COL4A2: variants seen among roughly 807,000 people sequenced by gnomAD.
COL4A2 encodes collagen alpha-2(IV) chain.
COL4A2 carries 99 observed loss-of-function variants against 200.2 expected under a neutral mutation model. The ratio of observed to expected loss-of-function variants is 0.49; its 90% confidence interval spans 0.42 to 0.58. The LOEUF (loss-of-function observed/expected upper bound fraction) is 0.58, where lower values mean the gene tolerates loss of function less well. COL4A2 is among the 20% of genes least tolerant of loss of function. COL4A2 has a pLI of 0.00. For missense variants in COL4A2, 1,950 were observed against 2,314.1 expected (o/e 0.84, Z 3.23); for synonymous variants, 897 against 900.6 (o/e 1.00, Z 0.07).
chr13:110,424,852 G>T lies in COL4A2; in HGVS notation c.299G>T (p.Gly100Val), dbSNP rs1476249623. 6.2e-7 allele frequency: 1 copy of T among 1,614,124 alleles called. No homozygotes were observed. The highest frequency in any genetic ancestry group is 8.5e-7 in the Non-Finnish European group (1 of 1,179,998). ...GAAAGGGGAGCCCCCGGAGTAACGG[G>T]ACCCAAGGGCGACGTGGTACGCACC... Reference protein sequence around the residue: ...KGERGAPGVTGPKGDVGARGV... With the variant: ...KGERGAPGVTVPKGDVGARGV... The change falls in exon 5 of 48, where the codon GGA becomes GTA. Residue 100 changes from glycine to valine, a missense_variant. By Grantham distance (109) the Gly-to-Val change is moderately radical (BLOSUM62 -3). Coordinates refer to ENST00000360467, the MANE Select transcript of COL4A2 (RefSeq NM_001846.4).
At chr13:110,464,394 G>A (rs1413357836) in intron 24 of COL4A2, among the ~76,000 whole-genome samples, 2 of 152,154 alleles carry the variant, frequency 1.3e-5, no homozygotes, top group Non-Finnish European at 2.9e-5. Context: ...AACCAAGAAT[G>A]TCAACTTCTG....
In COL4A2 at chr13:110,315,402, G is replaced by A. The variant is rs527414813; in HGVS notation, c.99+7279G>A. Among the ~76,000 whole-genome samples, 12 of 152,066 alleles carry A rather than the reference G, an allele frequency of 7.9e-5. No homozygotes were observed. In the South Asian group the frequency reaches 1.7e-3, roughly 21 times the overall value. ...CCACTTTTTTTGTTTGTTTGTTTTC[G>A]TTTTTGTTTTAGAGGTGGAGTCTCA... On this transcript the variant is annotated intron_variant, in intron 3 of 47. Coordinates refer to ENST00000360467, the MANE Select transcript of COL4A2 (RefSeq NM_001846.4).
chr13:110,469,087 G>A, intron 27 of COL4A2, 130 bp from the exon 28 acceptor site: 1 of 1,025,406 alleles, frequency 9.8e-7, no homozygotes, highest in Admixed American at 2.5e-5. Context: ...TGCTGTTTCA[G>A]GCTGATATTC....
At chr13:110,402,507 GC>G (rs1879408531) in intron 4 of COL4A2, among the ~76,000 whole-genome samples, 1 of 152,186 alleles carries the variant, frequency 6.6e-6, no homozygotes, top group African/African-American at 2.4e-5. Context: ...GCCTCCCATG[GC>G]TTCACTGGGC....
intron 14 of COL4A2, 117 bp from the exon 15 acceptor site, chr13:110,438,501 C>A: frequency 7.3e-7 from 1 of 1,368,402 alleles, no homozygotes; most frequent in South Asian, 1.2e-5. Context: ...GCCAGGCGGT[C>A]TGGACACCAT....
intron 4 of COL4A2, among the ~76,000 whole-genome samples, chr13:110,409,169 A>G (rs1041893735): frequency 3.3e-5 from 5 of 152,024 alleles, no homozygotes; most frequent in South Asian, 4.2e-4. Context: ...GCACATATAC[A>G]CATGTACACA....
intron 39 of COL4A2, among the ~76,000 whole-genome samples, chr13:110,493,826 G>T (rs1029343332): frequency 8.6e-5 from 13 of 151,880 alleles, no homozygotes; most frequent in Non-Finnish European, 1.9e-4. Flanking sequence ...TTCTGGGGGG[G>T]GCCGCGTCCT....
chr13:110,374,041 T>A (rs1878130429), intron 4 of COL4A2, among the ~76,000 whole-genome samples: 1 of 152,202 alleles, frequency 6.6e-6, no homozygotes, highest in Admixed American at 6.5e-5. Flanking sequence ...GTTTTATTAA[T>A]GTTCATCATA....
At chr13:110,386,739 G>T (rs1878767177) in intron 4 of COL4A2, among the ~76,000 whole-genome samples, 1 of 152,140 alleles carries the variant, frequency 6.6e-6, no homozygotes, top group Non-Finnish European at 1.5e-5. Flanking sequence ...AGAGTACTCA[G>T]ATAAAAAAGA....
At position 110,485,118 on chromosome 13, in the gene COL4A2, G is replaced by A. The variant is rs2296852; in HGVS notation, c.3025+91G>A. ...CCCTTCTCCGTCCCCAGAGACGCCC[G>A]TGCCCTCCACCTGGCTTTCTTCGTG... On this transcript the variant is annotated intron_variant, in intron 33 of 47. Transcript: ENST00000360467. 154,488 of 1,180,764 alleles carry A rather than the reference G, an allele frequency of 0.13. 10,363 individuals carry two copies. Among genetic ancestry groups the A allele is most frequent in the Non-Finnish European group, 0.14 (117,536 of 865,984 alleles). The allele number at this position is 1,180,764 out of a possible 1,614,324, so 73.1% of individuals were successfully genotyped here. A position where few individuals can be genotyped will look rare whatever the true frequency, so the allele number is the denominator to read the frequency against.
rs951297560 is a variant in COL4A2 at position 110,440,821 on chromosome 13, G to T, written c.957+988G>T. Among the ~76,000 whole-genome samples, 11 of 152,178 alleles carry T rather than the reference G, an allele frequency of 7.2e-5. No homozygotes were observed. In the South Asian group the frequency reaches 2.3e-3, roughly 32 times the overall value. The stretch of plus-strand genomic sequence containing the variant: ...GACACCACCACTGACAGCCCCTTGG[G>T]TCTCACATCACACTCATGCCAACAT... On this transcript the variant is annotated intron_variant, in intron 16 of 47. Coordinates refer to ENST00000360467, the MANE Select transcript of COL4A2 (RefSeq NM_001846.4).
intron 4 of COL4A2, among the ~76,000 whole-genome samples, chr13:110,381,024 A>G (rs1006834869): frequency 7.0e-6 from 1 of 141,948 alleles, no homozygotes; most frequent in Admixed American, 7.0e-5. Flanking sequence ...TCTCACACCC[A>G]CGGGCTCTGT....
At chr13:110,318,893 C>CA (rs1594142866) in intron 3 of COL4A2, among the ~76,000 whole-genome samples, 2 of 151,838 alleles carry the variant, frequency 1.3e-5, no homozygotes, top group African/African-American at 4.8e-5. Context: ...CTCTAGTTAA[C>CA]AGTATGAAAT....
At chr13:110,466,906 AT>A in intron 26 of COL4A2, 133 bp from the exon 27 acceptor site, 1 of 1,075,742 alleles carries the variant, frequency 9.3e-7, no homozygotes. Context: ...GATGAATTAA[AT>A]CATTAAGTTA....
intron 37 of COL4A2, 78 bp downstream of exon 37, chr13:110,491,418 CA>C: frequency 5.4e-6 from 5 of 925,688 alleles, no homozygotes; most frequent in Non-Finnish European, 8.6e-6. Context: ...TCAACATTGT[CA>C]ATTTCCTCCA....
At chr13:110,446,547 G>A (rs1038157330) in intron 17 of COL4A2, among the ~76,000 whole-genome samples, 1 of 152,168 alleles carries the variant, frequency 6.6e-6, no homozygotes, top group Admixed American at 6.5e-5. Flanking sequence ...ATTCGACAAG[G>A]ATTTCAAAAT....
intron 4 of COL4A2, among the ~76,000 whole-genome samples, chr13:110,392,473 C>T (rs190101060): frequency 2.0e-5 from 3 of 152,308 alleles, no homozygotes; most frequent in East Asian, 1.9e-4. Flanking sequence ...GGAGGAGAGA[C>T]GGTCACAGCA....
Position 110,457,382 on chromosome 13 carries a change from G to C in COL4A2, c.1379G>C (p.Gly460Ala). Residue 460 changes from glycine to alanine, a missense_variant, in exon 21 of 48, where the codon GGC becomes GCC. This residue lies in a region of COL4A2 where 1,385 missense variants were observed against 1,720.5 expected (regional missense o/e 0.80). Coordinates refer to ENST00000360467, the MANE Select transcript of COL4A2 (RefSeq NM_001846.4). ...CTGAAAGGAGCAAAAGGAAGAGCAG[G>C]CTTCCCTGGGCTTCCCGGCTCCCCT... The part of the protein sequence containing the change: ...FGLKGAKGRA[G>A]FPGLPGSPGA... 1 of 1,613,624 alleles carries C rather than the reference G, an allele frequency of 6.2e-7. No homozygotes were observed. The highest frequency in any genetic ancestry group is 8.5e-7 in the Non-Finnish European group (1 of 1,179,636).
At chr13:110,420,141 C>T (rs968452956) in intron 4 of COL4A2, among the ~76,000 whole-genome samples, 4 of 152,106 alleles carry the variant, frequency 2.6e-5, no homozygotes, top group African/African-American at 9.7e-5. Flanking sequence ...CACAGACCTC[C>T]CTTGGAGCAG....
Sources: gnomAD v4.1 joint callset for allele counts (sites outside exome capture counted in the v4.1 genomes callset) on GRCh38, gnomAD v4.1.1 for gene constraint, gnomAD v4.1.1 regional missense constraint, MANE v1.5 for transcripts, NCBI Gene and HGNC (gene_info 2026-07-23, HGNC 2026-07-21) for gene names.